VPS13D: variants seen among roughly 807,000 people sequenced by gnomAD.
VPS13D encodes the protein vacuolar protein sorting 13 homolog D, also known as intermembrane lipid transfer protein VPS13D.
VPS13D carries 187 observed loss-of-function variants against 461.9 expected under a neutral mutation model. That is an observed-to-expected ratio of 0.40 (90% confidence interval 0.36 to 0.46). VPS13D has a LOEUF of 0.46. VPS13D is among the 20% of genes least tolerant of loss of function. VPS13D has a pLI of 0.60. For synonymous variants in VPS13D, 1,951 were observed against 1,986.3 expected (o/e 0.98, Z 0.47); for missense variants, 4,711 against 5,364.9 (o/e 0.88, Z 3.81).
chr1:12,461,997 G>A (rs901149123), intron 67 of VPS13D, among the ~76,000 whole-genome samples: 15 of 152,152 alleles, frequency 9.9e-5, no homozygotes, highest in Admixed American at 5.2e-4. Flanking sequence ...TGCCACAGAA[G>A]TTTGATTTTC....
chr1:12,400,962 G>GCGCGCACACACACACACA (rs1253464149), intron 61 of VPS13D, among the ~76,000 whole-genome samples: 2 of 106,218 alleles, frequency 1.9e-5, no homozygotes, highest in African/African-American at 6.7e-5. Context: ...CTGCGCGCGC[G>GCGCGCACACACACACACA]CACACACACA....
chr1:12,242,698 A>G lies in VPS13D; in HGVS notation c.175+108A>G, dbSNP rs910702941. On this transcript the variant is annotated intron_variant, in intron 3 of 69. Coordinates refer to ENST00000620676, the MANE Select transcript of VPS13D (RefSeq NM_015378.4). The stretch of plus-strand genomic sequence containing the variant: ...TGATTTGGCCAGTTAGAGGAAGGAT[A>G]TAGCAAATGTTAGAGTTTAGGCCAG... 16 of 943,936 alleles carry G rather than the reference A, an allele frequency of 1.7e-5. No homozygotes were observed. In the Admixed American group the frequency reaches 2.0e-4, roughly 12 times the overall value. 58.5% of individuals were successfully genotyped at this position (943,936 alleles called of 1,614,324 possible).
intron 68 of VPS13D, among the ~76,000 whole-genome samples, chr1:12,504,006 C>T (rs550678836): frequency 7.2e-5 from 11 of 152,194 alleles, no homozygotes; most frequent in Admixed American, 3.3e-4. Flanking sequence ...GAGCGTGCCG[C>T]GTTTGCCAGG....
Position 12,318,341 on chromosome 1 carries a change from A to G in VPS13D, c.7414+4A>G. ...GAGGTCAAGGTCAATGTAACAGGTG[A>G]TTATATGTGGGTGTGATTCATTGGT... is the stretch of plus-strand genomic sequence containing the variant. On this transcript the variant is annotated splice_donor_region_variant and intron_variant, in intron 31 of 69. Transcript: ENST00000620676. 1 of 1,604,258 alleles carries G rather than the reference A, an allele frequency of 6.2e-7. No homozygotes were observed. The highest frequency in any genetic ancestry group is 8.5e-7 in the Non-Finnish European group (1 of 1,172,250).
At chr1:12,398,153 G>A (rs1194598512) in intron 60 of VPS13D, among the ~76,000 whole-genome samples, 1 of 152,106 alleles carries the variant, frequency 6.6e-6, no homozygotes, top group African/African-American at 2.4e-5. Flanking sequence ...ATGGAAGTAG[G>A]AAAAAATACT....
At chr1:12,436,680 G>T (rs1265167632) in intron 65 of VPS13D, among the ~76,000 whole-genome samples, 1 of 151,736 alleles carries the variant, frequency 6.6e-6, no homozygotes, top group South Asian at 2.1e-4. Context: ...GTTTGTTTTT[G>T]TTTTTGAGAC....
chr1:12,241,984 T>C (rs1640390516), intron 2 of VPS13D, among the ~76,000 whole-genome samples: 1 of 152,062 alleles, frequency 6.6e-6, no homozygotes. Flanking sequence ...CTGGTAAATA[T>C]TAGCCTAAGC....
At chr1:12,499,526 T>A in intron 68 of VPS13D, 1 of 985,408 alleles carries the variant, frequency 1.0e-6, no homozygotes, top group Non-Finnish European at 1.2e-6. Flanking sequence ...CCCAGTGAGA[T>A]ACACACATTG....
At chr1:12,374,007 A>T in intron 55 of VPS13D, 149 bp downstream of exon 55, 1 of 490,678 alleles carries the variant, frequency 2.0e-6, no homozygotes, top group Admixed American at 3.9e-5. Context: ...GGTCAGTGTT[A>T]GGGCGGATGA....
At chr1:12,296,005 G>A (rs576056507) in intron 24 of VPS13D, among the ~76,000 whole-genome samples, 73 of 152,262 alleles carry the variant, frequency 4.8e-4, no homozygotes, top group Non-Finnish European at 7.8e-4. Flanking sequence ...GTGTTGATAA[G>A]ATTCATTCAT....
At chr1:12,465,918 C>T (rs1256761601) in intron 67 of VPS13D, among the ~76,000 whole-genome samples, 2 of 152,104 alleles carry the variant, frequency 1.3e-5, no homozygotes, top group East Asian at 1.9e-4. Context: ...GGGCGGATCA[C>T]GAGGTCAAGA....
Position 12,273,023 on chromosome 1 carries a change from C to T in VPS13D, c.2124C>T (p.Thr708=), listed in dbSNP as rs376761659. 36 of 1,613,752 alleles carry T rather than the reference C, an allele frequency of 2.2e-5. No individual in the cohort carries two copies. The highest frequency in any genetic ancestry group is 5.3e-5 in the African/African-American group (4 of 74,870). The change falls in exon 18 of 70, where the codon ACC becomes ACT. Residue 708 remains threonine (T), a synonymous_variant. Transcript: ENST00000620676. ...TACAGGAGGAGAGTAAACGATGGAC[C>T]GTGCGGCTGGATATTTCTGCCCCTC... is the stretch of plus-strand genomic sequence containing the variant. ...GDFIEESKRW[T]VRLDISAPQV...
intron 63 of VPS13D, among the ~76,000 whole-genome samples, chr1:12,407,551 T>G (rs190300337): frequency 2.0e-4 from 30 of 152,320 alleles, no homozygotes; most frequent in Non-Finnish European, 3.5e-4. Context: ...AGTCATTTAG[T>G]TACTACAAGA....
At chr1:12,489,998 A>G (rs781153517) in intron 67 of VPS13D, among the ~76,000 whole-genome samples, 3 of 152,122 alleles carry the variant, frequency 2.0e-5, no homozygotes, top group Non-Finnish European at 4.4e-5. Flanking sequence ...TGTCTCTCCT[A>G]CTGCTTCCCT....
chr1:12,235,155 A>G (rs1640104118), intron 2 of VPS13D, among the ~76,000 whole-genome samples: 1 of 152,260 alleles, frequency 6.6e-6, no homozygotes, highest in Non-Finnish European at 1.5e-5. Context: ...GAGACTTCAA[A>G]TACAGTGAAA....
At chr1:12,248,275 C>T (rs1363269271) in intron 5 of VPS13D, among the ~76,000 whole-genome samples, 1 of 152,050 alleles carries the variant, frequency 6.6e-6, no homozygotes, top group Non-Finnish European at 1.5e-5. Context: ...AGATTCTTAT[C>T]AGATTTGCAA....
chr1:12,276,146 A>G lies in VPS13D; in HGVS notation c.2558A>G (p.Asn853Ser), dbSNP rs1641604667. The G allele has an allele frequency of 1.2e-6, 2 of 1,614,162 alleles. No individual in the cohort carries two copies. The highest frequency in any genetic ancestry group is 1.7e-6 in the Non-Finnish European group (2 of 1,180,022). ...CCAACACATGTGGTAGAGAAGTTCA[A>G]CGTTCACCTACAGTTAGAGCGTCGA... ...VGPTHVVEKF[N>S]VHLQLERRLI... The change falls in exon 19 of 70, where the codon AAC becomes AGC. Residue 853 changes from asparagine to serine, a missense_variant. This residue lies in a region of VPS13D where 4,411 missense variants were observed against 4,937.8 expected (regional missense o/e 0.89). Transcript: ENST00000620676. This position sits in a 1 kb window ranked among gnomAD's most constrained non-coding sequence, Gnocchi z 4.5.
At chr1:12,352,965 CAA>C (rs61588046) in intron 46 of VPS13D, among the ~76,000 whole-genome samples, 201 of 17,508 alleles carry the variant, frequency 0.011, no homozygotes, top group African/African-American at 0.036. Context: ...AACTCAGTCT[CAA>C]AAAAAAAAAA....
chr1:12,349,232 C>T lies in VPS13D; in HGVS notation c.9289C>T (p.Arg3097Trp), dbSNP rs758689804. 7 of 1,614,158 alleles carry T rather than the reference C, an allele frequency of 4.3e-6. No individual in the cohort carries two copies. The highest frequency in any genetic ancestry group is 2.2e-5 in the East Asian group (1 of 44,884). The change falls in exon 46 of 70, where the codon CGG becomes TGG. Residue 3097 changes from arginine (R) to tryptophan (W), a missense_variant. Arg to Trp is a moderately radical substitution (Grantham distance 101). Coordinates refer to ENST00000620676, the MANE Select transcript of VPS13D (RefSeq NM_015378.4). ...TGTGCCTTTACACCTCACTTCTTGGCGGCTACAGGCCCGGCCCAAAGGATT... is the reference window on the plus strand; with the variant it reads ...TGTGCCTTTACACCTCACTTCTTGGTGGCTACAGGCCCGGCCCAAAGGATT... The part of the protein sequence containing the change: ...FAVPLHLTSW[R>W]LQARPKGLGV...
Sources: gnomAD v4.1 joint callset for allele counts (sites outside exome capture counted in the v4.1 genomes callset) on GRCh38, gnomAD v4.1.1 for gene constraint, gnomAD v4.1.1 regional missense constraint, Gnocchi (gnomAD v3.1) non-coding constraint, MANE v1.5 for transcripts, NCBI Gene and HGNC (gene_info 2026-07-23, HGNC 2026-07-21) for gene names.